Variants in VTI1A observed in about 807,000 individuals in gnomAD.
VTI1A encodes vesicle transport through interaction with t-SNAREs homolog 1A.
A neutral mutation model predicts 34.9 loss-of-function variants in VTI1A; 22 were observed. The ratio of observed to expected loss-of-function variants is 0.63; its 90% CI spans 0.45 to 0.90. VTI1A has a LOEUF of 0.90. VTI1A is among the 40% of genes least tolerant of loss of function. VTI1A has a pLI of 0.00. For missense variants in VTI1A, 268 were observed against 275.6 expected (o/e 0.97, Z 0.20); for synonymous variants, 87 against 97.3 (o/e 0.89, Z 0.62).
chr10:112,528,336 A>T (rs1462381193), intron 4 of VTI1A, among the ~76,000 whole-genome samples: 1 of 151,998 alleles, frequency 6.6e-6, no homozygotes, highest in Non-Finnish European at 1.5e-5. Context: ...CTACTCACCC[A>T]CCCCCAAAAA....
chr10:112,527,177 T>A lies in VTI1A; in HGVS notation c.342+13T>A. The A allele has an allele frequency of 3.7e-6, 6 of 1,612,488 alleles. No homozygotes were observed. The South Asian group carries it at 6.6e-5, about 18-fold the overall frequency. On this transcript the variant is annotated intron_variant, in intron 4 of 7. Coordinates refer to ENST00000393077, the MANE Select transcript of VTI1A (RefSeq NM_145206.4). ...CTCAGAGAACCAGGTAGAATGCTAA[T>A]CAGGAAGGCCCGGTGGGTGGCTGGA...
intron 7 of VTI1A, among the ~76,000 whole-genome samples, chr10:112,684,192 A>G (rs1473617094): frequency 6.6e-6 from 1 of 152,188 alleles, no homozygotes; most frequent in African/African-American, 2.4e-5. Context: ...TATGTACAAC[A>G]TATAAAACTT....
At chr10:112,492,637 AT>A (rs1848869153) in intron 3 of VTI1A, among the ~76,000 whole-genome samples, 1 of 152,082 alleles carries the variant, frequency 6.6e-6, no homozygotes, top group Non-Finnish European at 1.5e-5. Flanking sequence ...AAATACAAAA[AT>A]TAGCTGGGCA....
At chr10:112,795,368 T>TA (rs200250165) in intron 7 of VTI1A, among the ~76,000 whole-genome samples, 1 of 151,320 alleles carries the variant, frequency 6.6e-6, no homozygotes, top group African/African-American at 2.4e-5. Context: ...TAGAAGTCAC[T>TA]AAAAAAAATT....
chr10:112,698,525 T>C (rs1427256091), intron 7 of VTI1A, among the ~76,000 whole-genome samples: 4 of 152,192 alleles, frequency 2.6e-5, no homozygotes, highest in African/African-American at 9.7e-5. Context: ...TTGTGTTAAG[T>C]TAGGACAACA....
chr10:112,710,807 GTGTGTGTGTGTA>G (rs1398573094), intron 7 of VTI1A, among the ~76,000 whole-genome samples: 4 of 151,982 alleles, frequency 2.6e-5, no homozygotes, highest in African/African-American at 9.7e-5. Context: ...GTGTATCTGT[GTGTGTGTGTGTA>G]TGTGTGTGTG....
chr10:112,664,678 T>C (rs780714923), intron 5 of VTI1A, among the ~76,000 whole-genome samples: 4 of 152,182 alleles, frequency 2.6e-5, no homozygotes, highest in Non-Finnish European at 5.9e-5. Flanking sequence ...AAAACCCTTT[T>C]GCACGTGTGT....
chr10:112,530,937 A>C (rs1850399270), intron 4 of VTI1A, among the ~76,000 whole-genome samples: 1 of 152,158 alleles, frequency 6.6e-6, no homozygotes, highest in African/African-American at 2.4e-5. Flanking sequence ...TGTTCGACCC[A>C]CGATAATGTG....
chr10:112,704,942 G>A (rs1849141752), intron 7 of VTI1A, among the ~76,000 whole-genome samples: 1 of 152,098 alleles, frequency 6.6e-6, no homozygotes, highest in Admixed American at 6.5e-5. Flanking sequence ...AGCCTGGAGT[G>A]CAGTGGCACA....
intron 5 of VTI1A, among the ~76,000 whole-genome samples, chr10:112,618,837 T>C (rs1263959054): frequency 6.6e-6 from 1 of 151,696 alleles, no homozygotes; most frequent in Non-Finnish European, 1.5e-5. Flanking sequence ...AACACAATGG[T>C]TGATTAAGGG....
chr10:112,598,846 T>G (rs1844772309), intron 5 of VTI1A, among the ~76,000 whole-genome samples: 1 of 152,216 alleles, frequency 6.6e-6, no homozygotes. Context: ...AGACCTGCTA[T>G]GCATTCATAT....
At chr10:112,455,038 A>T (rs2134020659) in intron 1 of VTI1A, among the ~76,000 whole-genome samples, 1 of 152,022 alleles carries the variant, frequency 6.6e-6, no homozygotes, top group African/African-American at 2.4e-5. Context: ...TTGAAAGGGG[A>T]TGTCATTTGG....
At chr10:112,692,379 A>C (rs1848642120) in intron 7 of VTI1A, among the ~76,000 whole-genome samples, 1 of 152,206 alleles carries the variant, frequency 6.6e-6, no homozygotes, top group African/African-American at 2.4e-5. Flanking sequence ...TCCCCAGGCC[A>C]TGTCAGTGTC....
At chr10:112,681,280 T>A (rs1260748796) in intron 7 of VTI1A, among the ~76,000 whole-genome samples, 3 of 151,988 alleles carry the variant, frequency 2.0e-5, no homozygotes, top group Non-Finnish European at 4.4e-5. Flanking sequence ...AGGATCTCCT[T>A]ATATTGCCAA....
At chr10:112,593,814 G>A (rs1844497498) in intron 5 of VTI1A, among the ~76,000 whole-genome samples, 1 of 152,232 alleles carries the variant, frequency 6.6e-6, no homozygotes, top group Admixed American at 6.5e-5. Context: ...TCGGCTCACT[G>A]CAAGCTTCGC....
At chr10:112,744,363 A>G (rs937429518) in intron 7 of VTI1A, among the ~76,000 whole-genome samples, 5 of 152,090 alleles carry the variant, frequency 3.3e-5, no homozygotes, top group Admixed American at 2.6e-4. Flanking sequence ...TTGCAGAAAT[A>G]TCAGTGATTG....
chr10:112,455,478 TCCTC>T (rs1201783005), intron 1 of VTI1A, among the ~76,000 whole-genome samples: 1 of 33,278 alleles, frequency 3.0e-5, no homozygotes, highest in East Asian at 8.0e-4. Flanking sequence ...CCTCCTTCCT[TCCTC>T]CCTCCCTCCC....
At chr10:112,484,612 A>G (rs555775675) in intron 3 of VTI1A, among the ~76,000 whole-genome samples, 3 of 150,626 alleles carry the variant, frequency 2.0e-5, no homozygotes, top group South Asian at 4.1e-4. Context: ...TCACTTACTT[A>G]ATTAAGTTTT....
intron 7 of VTI1A, among the ~76,000 whole-genome samples, chr10:112,688,981 G>A (rs1848525516): frequency 1.3e-5 from 2 of 152,194 alleles, no homozygotes; most frequent in South Asian, 2.1e-4. Flanking sequence ...AAATAAAAGG[G>A]CTGCCTCTAG....
Sources: allele counts gnomAD v4.1 joint callset (sites outside exome capture counted in the v4.1 genomes callset), GRCh38; gene constraint gnomAD v4.1.1; transcripts MANE v1.5; gene names NCBI Gene and HGNC (gene_info 2026-07-23, HGNC 2026-07-21).